KIF1C: variants seen among roughly 807,000 people sequenced by gnomAD.
The protein encoded by KIF1C is kinesin-like protein KIF1C.
A neutral mutation model predicts 126.5 loss-of-function variants in KIF1C; 61 were observed. That is an observed-to-expected ratio of 0.48 (90% CI 0.39 to 0.60). KIF1C has a LOEUF of 0.60. KIF1C is among the 20% of genes least tolerant of loss of function. KIF1C has a pLI of 0.00. For synonymous variants in KIF1C, 640 were observed against 580.6 expected, an observed-to-expected ratio of 1.10 and a Z score of -1.47; for missense variants, 1,315 against 1,489.2, an observed-to-expected ratio of 0.88 and a Z score of 1.93.
intron 6 of KIF1C, 26 bp from the exon 7 acceptor site, chr17:5,002,438 A>G: frequency 1.3e-6 from 2 of 1,560,634 alleles, no homozygotes; most frequent in Non-Finnish European, 1.7e-6. Flanking sequence ...TAGTTTTGTT[A>G]CTTCTCATTT....
At chr17:5,010,221 T>G (rs1485520680) in intron 16 of KIF1C, among the ~76,000 whole-genome samples, 1 of 152,192 alleles carries the variant, frequency 6.6e-6, no homozygotes, top group East Asian at 1.9e-4. Flanking sequence ...CTACTGTGCT[T>G]GGCCTGCATA....
At position 5,027,796 on chromosome 17, in the gene KIF1C, T is replaced by C. The variant is rs1342289357; in HGVS notation, c.*3645T>C. On this transcript the variant is annotated 3_prime_UTR_variant, in exon 23 of 23. Coordinates refer to ENST00000320785, the MANE Select transcript of KIF1C (RefSeq NM_006612.6). ...GAGTTTGAGACCAGCCTGGGCAACATAACAAGACCCTGTCTCTACAAAAAT... is the reference window on the plus strand; with the variant it reads ...GAGTTTGAGACCAGCCTGGGCAACACAACAAGACCCTGTCTCTACAAAAAT... 1 of 152,004 alleles carries C rather than the reference T, an allele frequency of 6.6e-6. No individual in the cohort carries two copies. Among genetic ancestry groups the C allele is most frequent in the Non-Finnish European group, 1.5e-5 (1 of 68,046 alleles). 9.4% of individuals were successfully genotyped at this position (152,004 alleles called of 1,614,324 possible).
At position 5,000,849 on chromosome 17, in the gene KIF1C, G is replaced by A. The variant is rs113235625; in HGVS notation, c.183+1G>A. 1.2e-6 allele frequency: 2 copies of A among 1,613,868 alleles called. No individual in the cohort carries two copies. The highest frequency in any genetic ancestry group is 1.7e-6 in the Non-Finnish European group (2 of 1,179,788). ...CTACTCCTACTGGTCACACACTTCG[G>A]TGGGTTGTTGGGCTGGGGGAAGAGC... is the stretch of plus-strand genomic sequence containing the variant. On this transcript the variant is annotated splice_donor_variant, in intron 4 of 22. Transcript: ENST00000320785. LOFTEE classifies it high-confidence loss of function.
rs752041410 is a variant in KIF1C at position 5,006,934 on chromosome 17, G to GAGT, written c.1186_1188dup (p.Ser396dup). 6.2e-7 allele frequency: 1 copy of GAGT among 1,610,172 alleles called. No homozygotes were observed. On this transcript the variant is annotated inframe_insertion, in exon 14 of 23. Transcript: ENST00000320785. ...TCCCAGGCCTGAAGACGGAAGAAGGGAGTGTCAGAGGCGCCCTGCCAGCTG... is the reference window on the plus strand; with the variant it reads ...TCCCAGGCCTGAAGACGGAAGAAGGGAGTAGTGTCAGAGGCGCCCTGCCAGCTG...
In KIF1C at chr17:5,002,655, G is replaced by A. The variant is rs1458012566; in HGVS notation, c.608+13G>A. On this transcript the variant is annotated intron_variant, in intron 7 of 22. Coordinates refer to ENST00000320785, the MANE Select transcript of KIF1C (RefSeq NM_006612.6). ...GAAATAAAGCACGGTGAGGCAGGCT[G>A]ATGGAGCAGAGGGCAAGGGGGCCAG... 3 of 1,611,622 alleles carry A rather than the reference G, an allele frequency of 1.9e-6. No homozygotes were observed. The highest frequency in any genetic ancestry group is 2.5e-6 in the Non-Finnish European group (3 of 1,178,014).
At chr17:5,006,300 G>T (rs1333379112) in intron 13 of KIF1C, among the ~76,000 whole-genome samples, 1 of 151,840 alleles carries the variant, frequency 6.6e-6, no homozygotes. Flanking sequence ...CTCCCAAAGT[G>T]CTGGGATTAT....
Position 5,024,821 on chromosome 17 carries a change from C to G in KIF1C, c.*670C>G, listed in dbSNP as rs1392732691. ...TATGTGTGCTCTGTGCAGGCACCAC[C>G]CAGATCTGGATATAAGAATGTTTCC... On this transcript the variant is annotated 3_prime_UTR_variant, in exon 23 of 23. Coordinates refer to ENST00000320785, the MANE Select transcript of KIF1C (RefSeq NM_006612.6). 1 of 152,616 alleles carries G rather than the reference C, an allele frequency of 6.6e-6. No individual in the cohort carries two copies. The highest frequency in any genetic ancestry group is 1.5e-5 in the Non-Finnish European group (1 of 68,092). The allele number at this position is 152,616 out of a possible 1,614,324, so 9.5% of individuals were successfully genotyped here.
intron 18 of KIF1C, among the ~76,000 whole-genome samples, chr17:5,016,836 G>A (rs988196223): frequency 4.0e-5 from 6 of 151,342 alleles, no homozygotes; most frequent in African/African-American, 1.5e-4. Flanking sequence ...AACCTGGGAA[G>A]TGGAGGTTTC....
intron 16 of KIF1C, among the ~76,000 whole-genome samples, chr17:5,010,117 G>T (rs400188): frequency 6.6e-6 from 1 of 152,034 alleles, no homozygotes; most frequent in Non-Finnish European, 1.5e-5. Context: ...GTAGAGACAG[G>T]GTTTCGCCAT....
In KIF1C at chr17:5,023,613, CA is replaced by C; in HGVS notation, c.2775del (p.Arg926GlyfsTer162). On this transcript the variant is annotated frameshift_variant, in exon 23 of 23. Transcript: ENST00000320785. LOFTEE classifies it high-confidence loss of function. The surrounding 1 kb of genome is among the most constrained non-coding windows in gnomAD (Gnocchi z 4.2). ...CCACTGTCAAGCTGGGAGCGGGTGT[CA>C]CGGCTCATGGAGGAGGACCCTGCCT... is the stretch of plus-strand genomic sequence containing the variant. The part of the protein sequence containing the change: ...SPPLSSWERV[S>X]RLMEEDPAFR... The C allele has an allele frequency of 6.2e-7, 1 of 1,613,640 alleles. No homozygotes were observed. The highest frequency in any genetic ancestry group is 1.7e-5 in the Admixed American group (1 of 59,988).
intron 13 of KIF1C, among the ~76,000 whole-genome samples, chr17:5,005,744 T>TG (rs1374027343): frequency 6.6e-6 from 1 of 151,656 alleles, no homozygotes; most frequent in Non-Finnish European, 1.5e-5. Context: ...TTTTTTTTTT[T>TG]TGAGATGGAG....
chr17:5,021,249 T>C (rs1975086139), intron 21 of KIF1C, among the ~76,000 whole-genome samples: 1 of 141,336 alleles, frequency 7.1e-6, no homozygotes, highest in Admixed American at 7.7e-5. Context: ...CTCGACTTAC[T>C]GTAGCCTCCG....
Position 5,004,736 on chromosome 17 carries a change from G to C in KIF1C, c.1019+91G>C, listed in dbSNP as rs1014827537. 5 of 1,579,682 alleles carry C rather than the reference G, an allele frequency of 3.2e-6. No homozygotes were observed. The Admixed American group carries it at 5.1e-5, about 16-fold the overall frequency. Reference sequence around the variant, plus strand: ...TTGCTCAGGACCCTGCTCGTGAGACGGGGGAGATGCCGGAGCCTTGCCACA... The same window carrying C: ...TTGCTCAGGACCCTGCTCGTGAGACCGGGGAGATGCCGGAGCCTTGCCACA... On this transcript the variant is annotated intron_variant, in intron 12 of 22. Coordinates refer to ENST00000320785, the MANE Select transcript of KIF1C (RefSeq NM_006612.6).
intron 5 of KIF1C, 78 bp from the exon 6 acceptor site, chr17:5,001,981 T>C (rs1481866307): frequency 3.8e-6 from 5 of 1,323,556 alleles, no homozygotes; most frequent in Non-Finnish European, 5.5e-6. Flanking sequence ...CACTTGGGAC[T>C]GGGCCTGGCC....
intron 16 of KIF1C, among the ~76,000 whole-genome samples, chr17:5,011,187 C>T (rs2143345333): frequency 6.6e-6 from 1 of 152,218 alleles, no homozygotes. Context: ...GGTCTAAAGC[C>T]AGAAGAGAGA....
chr17:5,005,902 T>C (rs1271426920), intron 13 of KIF1C, among the ~76,000 whole-genome samples: 1 of 151,636 alleles, frequency 6.6e-6, no homozygotes, highest in African/African-American at 2.4e-5. Context: ...AATTTTTGTA[T>C]TTTTAGTAGA....
intron 18 of KIF1C, among the ~76,000 whole-genome samples, 167 bp downstream of exon 18, chr17:5,015,004 G>A (rs1230488384): frequency 2.6e-5 from 4 of 152,184 alleles, no homozygotes; most frequent in Admixed American, 1.3e-4. Context: ...ATGAATGGAG[G>A]AATACCACAG....
At chr17:5,017,593 G>A (rs1386875106) in intron 18 of KIF1C, among the ~76,000 whole-genome samples, 14 of 152,032 alleles carry the variant, frequency 9.2e-5, no homozygotes, top group Non-Finnish European at 8.8e-5. Flanking sequence ...CGTGAGCCAC[G>A]CGCCCAGCCT....
At chr17:5,011,489 A>G (rs555661476) in intron 16 of KIF1C, 4 of 152,350 alleles carry the variant, frequency 2.6e-5, no homozygotes, top group African/African-American at 9.6e-5. Context: ...AGAAGGTTTC[A>G]TTTTGAACAA....
Sources: gnomAD v4.1 joint callset for allele counts (sites outside exome capture counted in the v4.1 genomes callset) on GRCh38, gnomAD v4.1.1 for gene constraint, Gnocchi (gnomAD v3.1) non-coding constraint, MANE v1.5 for transcripts, NCBI Gene and HGNC (gene_info 2026-07-23, HGNC 2026-07-21) for gene names.